Variants in LSAMP observed in about 807,000 individuals in gnomAD.
LSAMP encodes limbic system-associated membrane protein.
Under a neutral mutation model 38.6 loss-of-function variants are expected in LSAMP, and 7 were observed. The ratio of observed to expected loss-of-function variants is 0.18; its 90% CI spans 0.10 to 0.34. The LOEUF is 0.34. Ranked by LOEUF, LSAMP falls within the 10% of genes least tolerant of loss-of-function variation. The probability of loss-of-function intolerance (pLI) is 1.00; values close to 1 mark genes in which losing one functional copy is unlikely to be tolerated. For synonymous variants in LSAMP, 154 were observed against 166.8 expected, an observed-to-expected ratio of 0.92 and a Z score of 0.59; for missense variants, 313 against 420.0, an observed-to-expected ratio of 0.75 and a Z score of 2.23.
intron 1 of LSAMP, among the ~76,000 whole-genome samples, chr3:116,291,397 T>TAACA (rs2047265692): frequency 6.6e-6 from 1 of 152,198 alleles, no homozygotes; most frequent in African/African-American, 2.4e-5. Context: ...GATATGCTAC[T>TAACA]AACAAACCAT....
chr3:116,263,070 G>A (rs1340078351), intron 1 of LSAMP, among the ~76,000 whole-genome samples: 1 of 152,094 alleles, frequency 6.6e-6, no homozygotes, highest in Non-Finnish European at 1.5e-5. Flanking sequence ...GCTCTCTAAT[G>A]GTCAAAGGGA....
At chr3:116,205,949 T>C (rs1348856761) in intron 1 of LSAMP, among the ~76,000 whole-genome samples, 7 of 147,802 alleles carry the variant, frequency 4.7e-5, no homozygotes, top group Admixed American at 2.0e-4. Context: ...CCTCTTTTTC[T>C]ATTGATTGGA....
At chr3:115,850,728 T>C (rs986038045) in intron 4 of LSAMP, among the ~76,000 whole-genome samples, 29 of 152,178 alleles carry the variant, frequency 1.9e-4, no homozygotes, top group Admixed American at 1.8e-3. Context: ...AGCAGAGTCA[T>C]TTGTTTCTAT....
intron 1 of LSAMP, among the ~76,000 whole-genome samples, chr3:116,424,491 A>C (rs1186787748): frequency 6.6e-6 from 1 of 152,222 alleles, no homozygotes; most frequent in African/African-American, 2.4e-5. Context: ...TTACTAATGA[A>C]GGCTGAATGT....
intron 1 of LSAMP, among the ~76,000 whole-genome samples, chr3:116,208,664 G>A (rs1021468550): frequency 6.6e-6 from 1 of 152,142 alleles, no homozygotes; most frequent in African/African-American, 2.4e-5. Context: ...CCTGCCGTGT[G>A]AGGTGTCAGT....
At chr3:116,206,130 G>C (rs1367327495) in intron 1 of LSAMP, among the ~76,000 whole-genome samples, 3 of 150,228 alleles carry the variant, frequency 2.0e-5, no homozygotes, top group Admixed American at 1.3e-4. Context: ...GTTTAGTCTT[G>C]GGAGAGTGTA....
intron 1 of LSAMP, among the ~76,000 whole-genome samples, chr3:116,323,729 G>A (rs952379157): frequency 6.6e-6 from 1 of 152,038 alleles, no homozygotes; most frequent in Admixed American, 6.6e-5. Context: ...CTAGCATGTA[G>A]GCTCAATTTC....
chr3:116,192,103 T>C (rs923535826), intron 1 of LSAMP, among the ~76,000 whole-genome samples: 1 of 152,242 alleles, frequency 6.6e-6, no homozygotes, highest in African/African-American at 2.4e-5. Context: ...TTCTTGTAAC[T>C]AAAACATTTG....
At chr3:116,063,982 A>T (rs1941639244) in intron 2 of LSAMP, among the ~76,000 whole-genome samples, 1 of 152,202 alleles carries the variant, frequency 6.6e-6, no homozygotes, top group Non-Finnish European at 1.5e-5. Flanking sequence ...ATTCTGAATA[A>T]ACACGATAAA....
intron 3 of LSAMP, among the ~76,000 whole-genome samples, chr3:115,989,730 G>T (rs538506376): frequency 3.3e-4 from 50 of 151,986 alleles, no homozygotes; most frequent in Non-Finnish European, 6.5e-4. Flanking sequence ...CTTAGTCTCC[G>T]GAATTATTGT....
chr3:115,857,595 TCA>T (rs1935548572), intron 3 of LSAMP, among the ~76,000 whole-genome samples: 1 of 152,196 alleles, frequency 6.6e-6, no homozygotes, highest in South Asian at 2.1e-4. Context: ...ACAAGCCTGC[TCA>T]CATCGCTGAG....
chr3:115,901,299 TATA>T (rs1309193839), intron 3 of LSAMP, among the ~76,000 whole-genome samples: 2 of 152,164 alleles, frequency 1.3e-5, no homozygotes, highest in East Asian at 3.9e-4. Context: ...AGGTAATATG[TATA>T]ATAATACATT....
intron 6 of LSAMP, 95 bp from the exon 7 acceptor site, chr3:115,810,509 G>T: frequency 1.2e-6 from 1 of 845,682 alleles, no homozygotes; most frequent in Non-Finnish European, 2.0e-6. Flanking sequence ...GGTAAGACCT[G>T]GCCAGGTACT....
At chr3:116,436,207 A>G (rs1368609966) in intron 1 of LSAMP, among the ~76,000 whole-genome samples, 1 of 152,238 alleles carries the variant, frequency 6.6e-6, no homozygotes, top group Non-Finnish European at 1.5e-5. Flanking sequence ...CTCAAGATGG[A>G]TTAAGGACTT....
intron 1 of LSAMP, among the ~76,000 whole-genome samples, chr3:116,109,266 T>C (rs912832742): frequency 6.6e-6 from 1 of 152,108 alleles, no homozygotes; most frequent in Non-Finnish European, 1.5e-5. Context: ...CGAACGAAAC[T>C]GTAAGCCGGA....
At chr3:116,210,572 T>C (rs888342698) in intron 1 of LSAMP, among the ~76,000 whole-genome samples, 1 of 152,110 alleles carries the variant, frequency 6.6e-6, no homozygotes, top group African/African-American at 2.4e-5. Context: ...ACTTTTGAGG[T>C]TTTGGGACTC....
chr3:116,211,724 C>T (rs2107606998), intron 1 of LSAMP, among the ~76,000 whole-genome samples: 1 of 152,162 alleles, frequency 6.6e-6, no homozygotes. Flanking sequence ...ATATTTGGGC[C>T]CTGAACTTAA....
chr3:116,258,230 T>C (rs370345756), intron 1 of LSAMP, among the ~76,000 whole-genome samples: 41 of 152,238 alleles, frequency 2.7e-4, no homozygotes, highest in East Asian at 1.4e-3. Context: ...GATTAATCCG[T>C]CTTCTCCCAA....
At chr3:115,841,529 A>G (rs945716042) in intron 6 of LSAMP, 1 of 205,092 alleles carries the variant, frequency 4.9e-6, no homozygotes, top group Non-Finnish European at 9.7e-6. Flanking sequence ...CTGCTTCTTA[A>G]AGGACCACTG....
Sources: gnomAD v4.1 joint callset for allele counts (sites outside exome capture counted in the v4.1 genomes callset) on GRCh38, gnomAD v4.1.1 for gene constraint, MANE v1.5 for transcripts, NCBI Gene and HGNC (gene_info 2026-07-23, HGNC 2026-07-21) for gene names.